Variants in RNGTT observed in about 807,000 individuals in gnomAD.
The protein encoded by RNGTT is mRNA-capping enzyme.
A neutral mutation model predicts 79.3 loss-of-function variants in RNGTT; 33 were observed. The observed-to-expected ratio is 0.42, with a 90% CI of 0.32 to 0.56. RNGTT has a LOEUF of 0.56. RNGTT is among the 20% of genes least tolerant of loss of function. The pLI, the probability that RNGTT is intolerant of heterozygous loss-of-function variation, is 0.17. For missense variants in RNGTT, 497 were observed against 739.1 expected, an observed-to-expected ratio of 0.67 and a Z score of 3.80; for synonymous variants, 222 against 235.9, an observed-to-expected ratio of 0.94 and a Z score of 0.54.
At chr6:88,683,722 A>C (rs1000607887) in intron 13 of RNGTT, among the ~76,000 whole-genome samples, 2 of 152,220 alleles carry the variant, frequency 1.3e-5, no homozygotes, top group East Asian at 3.8e-4. Flanking sequence ...CAGTAAGAAA[A>C]TAAACAAGTT....
chr6:88,614,212 G>A, intron 15 of RNGTT, 60 bp downstream of exon 15: 1 of 1,549,720 alleles, frequency 6.5e-7, no homozygotes, highest in African/African-American at 1.4e-5. Flanking sequence ...GCACACTTTG[G>A]GTCTAACACC....
intron 13 of RNGTT, among the ~76,000 whole-genome samples, chr6:88,738,024 G>T (rs563761536): frequency 6.6e-6 from 1 of 152,256 alleles, no homozygotes; most frequent in African/African-American, 2.4e-5. Context: ...AGGAAGAAAT[G>T]GGTTATCTTT....
chr6:88,916,885 G>A (rs1347150479), intron 4 of RNGTT, among the ~76,000 whole-genome samples: 1 of 152,184 alleles, frequency 6.6e-6, no homozygotes, highest in Admixed American at 6.5e-5. Flanking sequence ...TGTTCTTTGT[G>A]TAAGAGCATG....
chr6:88,800,437 T>A (rs1254155421), intron 12 of RNGTT, among the ~76,000 whole-genome samples: 1 of 152,318 alleles, frequency 6.6e-6, no homozygotes, highest in South Asian at 2.1e-4. Flanking sequence ...AAATTATTAG[T>A]TCCCTTTCTT....
At chr6:88,909,067 A>G (rs1435373086) in intron 4 of RNGTT, among the ~76,000 whole-genome samples, 4 of 152,176 alleles carry the variant, frequency 2.6e-5, no homozygotes, top group Non-Finnish European at 4.4e-5. Context: ...CTCTCAGAAT[A>G]CAGAGAAGAG....
chr6:88,654,915 T>C (rs555960551), intron 14 of RNGTT, among the ~76,000 whole-genome samples: 7 of 152,236 alleles, frequency 4.6e-5, no homozygotes, highest in East Asian at 1.9e-4. Context: ...TCAGCTCACA[T>C]TACATGTATA....
chr6:88,636,030 T>G (rs1162314874), intron 14 of RNGTT, among the ~76,000 whole-genome samples: 2 of 152,210 alleles, frequency 1.3e-5, no homozygotes, highest in South Asian at 4.1e-4. Flanking sequence ...CTCCTGCTAC[T>G]GTGCAGTCAT....
intron 11 of RNGTT, among the ~76,000 whole-genome samples, chr6:88,834,513 G>T (rs1451649226): frequency 1.3e-5 from 2 of 152,148 alleles, no homozygotes; most frequent in African/African-American, 4.8e-5. Context: ...AAATGCAGTT[G>T]CACCATTATA....
At chr6:88,683,076 A>T (rs1267640463) in intron 13 of RNGTT, among the ~76,000 whole-genome samples, 2 of 152,170 alleles carry the variant, frequency 1.3e-5, no homozygotes, top group Admixed American at 1.3e-4. Flanking sequence ...CCACCTCAAG[A>T]AATTAGAAAA....
intron 14 of RNGTT, among the ~76,000 whole-genome samples, chr6:88,633,074 C>T (rs1772963708): frequency 6.6e-6 from 1 of 152,148 alleles, no homozygotes; most frequent in Non-Finnish European, 1.5e-5. Flanking sequence ...TAGCATTTTT[C>T]TCTACAGAAC....
At chr6:88,714,931 C>A (rs920303137) in intron 13 of RNGTT, among the ~76,000 whole-genome samples, 1 of 152,146 alleles carries the variant, frequency 6.6e-6, no homozygotes, top group Non-Finnish European at 1.5e-5. Context: ...TCTCTCACCA[C>A]TCCTATTCAA....
intron 13 of RNGTT, among the ~76,000 whole-genome samples, chr6:88,694,088 A>AAGTCCTTGC (rs1775574126): frequency 6.6e-6 from 1 of 152,158 alleles, no homozygotes; most frequent in Non-Finnish European, 1.5e-5. Context: ...ACAGTACTGG[A>AAGTCCTTGC]AGTCCTTGCT....
intron 14 of RNGTT, among the ~76,000 whole-genome samples, chr6:88,629,047 A>G (rs1772743677): frequency 6.6e-6 from 1 of 152,176 alleles, no homozygotes; most frequent in Non-Finnish European, 1.5e-5. Flanking sequence ...CTCAAGTGCC[A>G]TGTGTTGGTC....
chr6:88,929,091 G>C lies in RNGTT; in HGVS notation c.279-18C>G. On this transcript the variant is annotated intron_variant, in intron 3 of 15. Transcript: ENST00000369485. ...CACCATGTCTAGTAATATAGAAAAA[G>C]TTTTTTTGAAAAAAGAGATTACAAA... The C allele has an allele frequency of 1.3e-6, 2 of 1,598,050 alleles. No individual in the cohort carries two copies. Among genetic ancestry groups the C allele is most frequent in the Middle Eastern group, 1.7e-4 (1 of 5,978 alleles).
intron 4 of RNGTT, among the ~76,000 whole-genome samples, chr6:88,927,830 T>C (rs545417900): frequency 5.6e-5 from 8 of 142,168 alleles, no homozygotes; most frequent in South Asian, 2.2e-4. Context: ...TGGGATTCCA[T>C]CTCAAAAAAA....
At chr6:88,846,037 G>A (rs191404461) in intron 10 of RNGTT, among the ~76,000 whole-genome samples, 10 of 151,192 alleles carry the variant, frequency 6.6e-5, no homozygotes, top group Non-Finnish European at 8.8e-5. Flanking sequence ...TAAAACATAT[G>A]TAAATGTCTA....
Position 88,655,291 on chromosome 6 carries a change from A to G in RNGTT, c.1506+23062T>C, listed in dbSNP as rs1582285508. On this transcript the variant is annotated intron_variant, in intron 14 of 15. Transcript: ENST00000369485. The stretch of plus-strand genomic sequence containing the variant: ...AATATTTTTAACATATCAAATAACA[A>G]TCTGAGCTTGAAATACCTTAAAGGA... 2.0e-5 allele frequency among the ~76,000 whole-genome samples: 3 copies of G among 152,310 alleles called. No individual in the cohort carries two copies. The South Asian group carries it at 6.2e-4, about 32-fold the overall frequency.
At chr6:88,614,750 GC>G (rs1322334584) in intron 14 of RNGTT, among the ~76,000 whole-genome samples, 1 of 152,132 alleles carries the variant, frequency 6.6e-6, no homozygotes, top group Non-Finnish European at 1.5e-5. Context: ...TGAGTATACT[GC>G]CTAGGTTTCA....
intron 14 of RNGTT, among the ~76,000 whole-genome samples, chr6:88,624,120 C>T (rs1049041805): frequency 1.3e-5 from 2 of 151,890 alleles, no homozygotes; most frequent in Admixed American, 6.6e-5. Context: ...AAGAGATATA[C>T]ACCATGTTCA....
Sources: allele counts gnomAD v4.1 joint callset (sites outside exome capture counted in the v4.1 genomes callset), GRCh38; gene constraint gnomAD v4.1.1; transcripts MANE v1.5; gene names NCBI Gene and HGNC (gene_info 2026-07-23, HGNC 2026-07-21).